PDCD6: variants seen among roughly 807,000 people sequenced by gnomAD.
PDCD6 encodes the protein programmed cell death protein 6.
PDCD6 carries 12 observed loss-of-function variants against 28.3 expected under a neutral mutation model. That is an observed-to-expected ratio of 0.42 (90% CI 0.27 to 0.69). The LOEUF (loss-of-function observed/expected upper bound fraction) is 0.69, where lower values mean the gene tolerates loss of function less well. Among genes scored for constraint, PDCD6 ranks in the 30% least tolerant of loss-of-function variants. The pLI is 0.22. For missense variants in PDCD6, 226 were observed against 269.9 expected (o/e 0.84, Z 1.14); for synonymous variants, 92 against 108.0 (o/e 0.85, Z 0.92).
At chr5:303,158 C>G (rs1433251387) in intron 2 of PDCD6, among the ~76,000 whole-genome samples, 1 of 151,968 alleles carries the variant, frequency 6.6e-6, no homozygotes, top group African/African-American at 2.4e-5. Context: ...CCCCATGAGC[C>G]CAGAGTGGTG....
intron 2 of PDCD6, among the ~76,000 whole-genome samples, chr5:297,211 G>A (rs978956214): frequency 1.3e-5 from 2 of 152,264 alleles, no homozygotes; most frequent in African/African-American, 4.8e-5. Flanking sequence ...CCAGAGGACT[G>A]AACTTCTGCG....
At chr5:297,324 A>C (rs1018611699) in intron 2 of PDCD6, among the ~76,000 whole-genome samples, 1 of 152,348 alleles carries the variant, frequency 6.6e-6, no homozygotes, top group East Asian at 1.9e-4. Flanking sequence ...GCAGAAACTT[A>C]TGCTTCTTCC....
chr5:286,609 C>T (rs925257052), intron 2 of PDCD6, among the ~76,000 whole-genome samples: 9 of 149,868 alleles, frequency 6.0e-5, no homozygotes, highest in Admixed American at 2.0e-4. Flanking sequence ...GGAGAGCCTG[C>T]GGGGATCTGA....
At chr5:278,822 G>A (rs896201351) in intron 2 of PDCD6, among the ~76,000 whole-genome samples, 1 of 147,432 alleles carries the variant, frequency 6.8e-6, no homozygotes, top group Non-Finnish European at 1.5e-5. Flanking sequence ...GGAGGGTGCT[G>A]GGGACACAGG....
chr5:294,820 A>G (rs1739504623), intron 2 of PDCD6, among the ~76,000 whole-genome samples: 2 of 152,194 alleles, frequency 1.3e-5, no homozygotes, highest in Non-Finnish European at 2.9e-5. Context: ...GCGGGAACCA[A>G]CGCGGATGCT....
At chr5:274,293 T>C (rs1450001513) in intron 2 of PDCD6, among the ~76,000 whole-genome samples, 1 of 152,230 alleles carries the variant, frequency 6.6e-6, no homozygotes, top group African/African-American at 2.4e-5. Flanking sequence ...TTTGCTCTAA[T>C]TTTTAGATTT....
intron 2 of PDCD6, among the ~76,000 whole-genome samples, chr5:295,754 G>T (rs1396074931): frequency 1.4e-5 from 2 of 146,960 alleles, no homozygotes; most frequent in Non-Finnish European, 3.0e-5. Flanking sequence ...GGAATGCAGG[G>T]GTTTGTTCCA....
At chr5:292,506 A>C (rs1284039520) in intron 2 of PDCD6, among the ~76,000 whole-genome samples, 5 of 151,838 alleles carry the variant, frequency 3.3e-5, no homozygotes, top group Admixed American at 3.3e-4. Context: ...TGATTCTCCC[A>C]CCTCAGCCTC....
At position 311,608 on chromosome 5, in the gene PDCD6, C is replaced by A. The variant is rs1037927314; in HGVS notation, c.477+206C>A. ...TCCTCCCCTTGGAAATGGCACAGAGCAGCCCATCTGCAAGACGTGGTTTTT... is the reference window on the plus strand; with the variant it reads ...TCCTCCCCTTGGAAATGGCACAGAGAAGCCCATCTGCAAGACGTGGTTTTT... On this transcript the variant is annotated intron_variant, in intron 5 of 5. Coordinates refer to ENST00000264933, the MANE Select transcript of PDCD6 (RefSeq NM_013232.4). 41 of 550,832 alleles carry A rather than the reference C, an allele frequency of 7.4e-5. No homozygotes were observed. In the South Asian group the frequency reaches 8.9e-4, roughly 12 times the overall value. The allele number at this position is 550,832 out of a possible 1,614,324, so 34.1% of individuals were successfully genotyped here. A position where few individuals can be genotyped will look rare whatever the true frequency, so the allele number is the denominator to read the frequency against.
intron 2 of PDCD6, among the ~76,000 whole-genome samples, chr5:292,712 G>A (rs1335659934): frequency 6.6e-6 from 1 of 152,250 alleles, no homozygotes; most frequent in Admixed American, 6.5e-5. Flanking sequence ...ATGGAGAACA[G>A]AGCCGAGAGG....
intron 1 of PDCD6, among the ~76,000 whole-genome samples, 164 bp from the exon 2 acceptor site, chr5:272,547 T>C (rs1260557494): frequency 6.9e-6 from 1 of 144,638 alleles, no homozygotes; most frequent in African/African-American, 2.8e-5. Flanking sequence ...GGACGTCGGC[T>C]CCTGGGGCAC....
intron 2 of PDCD6, among the ~76,000 whole-genome samples, chr5:303,657 G>C (rs1379216857): frequency 6.6e-6 from 1 of 151,744 alleles, no homozygotes; most frequent in Non-Finnish European, 1.5e-5. Flanking sequence ...GATTACTGAG[G>C]GAGAACGGAA....
At chr5:290,967 G>A (rs994868878) in intron 2 of PDCD6, among the ~76,000 whole-genome samples, 3 of 152,214 alleles carry the variant, frequency 2.0e-5, no homozygotes, top group African/African-American at 7.2e-5. Context: ...TAAAGCATTT[G>A]TACAGGATGG....
intron 5 of PDCD6, among the ~76,000 whole-genome samples, chr5:312,833 G>A (rs1195531991): frequency 6.6e-6 from 1 of 151,998 alleles, no homozygotes; most frequent in Non-Finnish European, 1.5e-5. Context: ...AAGAAAAAGG[G>A]AAAAGATGCC....
chr5:308,296 C>T (rs1740660558), intron 4 of PDCD6: 1 of 152,246 alleles, frequency 6.6e-6, no homozygotes, highest in African/African-American at 2.4e-5. Context: ...GGACAGTGCT[C>T]CCTGGTCTCT....
intron 2 of PDCD6, among the ~76,000 whole-genome samples, chr5:302,107 T>TGTGTGTGTGCGC (rs113802406): frequency 2.4e-4 from 27 of 111,590 alleles, no homozygotes; most frequent in African/African-American, 8.4e-4. Flanking sequence ...TGTGTGTGTG[T>TGTGTGTGTGCGC]GCCTTGGGTT....
chr5:310,429 T>A (rs1198763021), intron 4 of PDCD6: 2 of 152,310 alleles, frequency 1.3e-5, no homozygotes, highest in Admixed American at 1.3e-4. Flanking sequence ...CTGCAGAGAT[T>A]CCAGCAGGAC....
At chr5:303,299 A>T (rs1425575178) in intron 2 of PDCD6, among the ~76,000 whole-genome samples, 305 of 128,856 alleles carry the variant, frequency 2.4e-3, no homozygotes, top group Non-Finnish European at 4.3e-3. Context: ...TTTGTGCATA[A>T]AAAAAAAAAA....
At chr5:304,402 G>A (rs1331778878) in intron 3 of PDCD6, 181 bp downstream of exon 3, 29 of 898,928 alleles carry the variant, frequency 3.2e-5, no homozygotes, top group Non-Finnish European at 4.4e-5. Flanking sequence ...ATCTCTCCGT[G>A]TATGTTTGCT....
Sources: allele counts gnomAD v4.1 joint callset (sites outside exome capture counted in the v4.1 genomes callset), GRCh38; gene constraint gnomAD v4.1.1; transcripts MANE v1.5; gene names NCBI Gene and HGNC (gene_info 2026-07-23, HGNC 2026-07-21).